HBS1L: variants seen among roughly 807,000 people sequenced by gnomAD.
HBS1L encodes HBS1-like protein.
In HBS1L, 55 loss-of-function variants were observed where a neutral mutation model predicts 88.9. The ratio of observed to expected loss-of-function variants is 0.62; its 90% CI spans 0.50 to 0.77. The LOEUF (loss-of-function observed/expected upper bound fraction) is 0.77. HBS1L is among the 30% of genes least tolerant of loss of function. HBS1L has a pLI of 0.00. For synonymous variants in HBS1L, 267 were observed against 288.5 expected (o/e 0.93, Z 0.76); for missense variants, 741 against 829.3 (o/e 0.89, Z 1.31).
chr6:134,968,620 A>G (rs1018508206), intron 16 of HBS1L, among the ~76,000 whole-genome samples: 1 of 152,088 alleles, frequency 6.6e-6, no homozygotes, highest in African/African-American at 2.4e-5. Context: ...GTTTCTGAGG[A>G]AGTACTTAAA....
At chr6:135,011,599 T>C (rs1323656795) in intron 4 of HBS1L, among the ~76,000 whole-genome samples, 1 of 151,982 alleles carries the variant, frequency 6.6e-6, no homozygotes, top group Non-Finnish European at 1.5e-5. Flanking sequence ...AGGGGTTAGT[T>C]AATATATACA....
At chr6:134,990,865 CT>C (rs897551290) in intron 8 of HBS1L, among the ~76,000 whole-genome samples, 7 of 152,058 alleles carry the variant, frequency 4.6e-5, no homozygotes, top group African/African-American at 1.4e-4. Flanking sequence ...AATAAACGAT[CT>C]TTATAATAAC....
chr6:135,032,260 T>C (rs1160336556), intron 4 of HBS1L, among the ~76,000 whole-genome samples: 5 of 151,098 alleles, frequency 3.3e-5, no homozygotes, highest in Admixed American at 2.0e-4. Context: ...AATGGATAGA[T>C]TGTATGTTTT....
chr6:134,988,355 T>G (rs1264087067), intron 8 of HBS1L, among the ~76,000 whole-genome samples: 9 of 151,012 alleles, frequency 6.0e-5, no homozygotes, highest in Admixed American at 6.6e-5. Context: ...AGAACAAGAC[T>G]GTCTCAAAAA....
chr6:134,966,481 G>GAA lies in HBS1L; in HGVS notation c.1899-10_1899-9dup. Reference sequence around the variant, plus strand: ...TGGCCTTTAGTCAAAAACCTATTAAGAAAAAAAAAGAACAAATGAATATAT... The same window carrying GAA: ...TGGCCTTTAGTCAAAAACCTATTAAGAAAAAAAAAAAGAACAAATGAATATAT... On this transcript the variant is annotated splice_polypyrimidine_tract_variant and intron_variant, in intron 16 of 17. Transcript: ENST00000367837. The GAA allele has an allele frequency of 4.6e-6, 7 of 1,512,416 alleles. No homozygotes were observed. The highest frequency in any genetic ancestry group is 1.3e-5 in the South Asian group (1 of 76,662). 93.7% of individuals were successfully genotyped at this position (1,512,416 alleles called of 1,614,324 possible). A position where few individuals can be genotyped will look rare whatever the true frequency, so the allele number is the denominator to read the frequency against.
chr6:135,014,419 G>GT, intron 4 of HBS1L, among the ~76,000 whole-genome samples: 1 of 152,158 alleles, frequency 6.6e-6, no homozygotes. Flanking sequence ...GTGACAGACT[G>GT]TTTTTAGATA....
At chr6:135,004,800 T>C (rs1392343221) in intron 4 of HBS1L, among the ~76,000 whole-genome samples, 1 of 152,134 alleles carries the variant, frequency 6.6e-6, no homozygotes, top group Non-Finnish European at 1.5e-5. Context: ...GTTGAACATG[T>C]TGGTTGACCT....
At chr6:135,040,910 T>C (rs1275296043) in intron 3 of HBS1L, among the ~76,000 whole-genome samples, 3 of 152,160 alleles carry the variant, frequency 2.0e-5, no homozygotes, top group African/African-American at 7.2e-5. Context: ...CACAATACTT[T>C]TATGTATATT....
chr6:134,976,840 A>T (rs1199232880), intron 15 of HBS1L, among the ~76,000 whole-genome samples: 1 of 152,040 alleles, frequency 6.6e-6, no homozygotes, highest in Admixed American at 6.6e-5. Flanking sequence ...CTAAAATCTT[A>T]GATTTCACCA....
At chr6:134,998,796 C>T (rs902086773) in intron 5 of HBS1L, among the ~76,000 whole-genome samples, 1 of 152,156 alleles carries the variant, frequency 6.6e-6, no homozygotes, top group African/African-American at 2.4e-5. Context: ...TATTTAAAGC[C>T]ACATATCCAT....
At chr6:135,003,481 G>C (rs1448461159) in intron 4 of HBS1L, among the ~76,000 whole-genome samples, 1 of 151,460 alleles carries the variant, frequency 6.6e-6, no homozygotes, top group Admixed American at 6.6e-5. Flanking sequence ...GTGAGAGAAT[G>C]GCTTGAGCCC....
intron 2 of HBS1L, among the ~76,000 whole-genome samples, chr6:135,043,191 T>G (rs950724201): frequency 6.6e-6 from 1 of 152,252 alleles, no homozygotes; most frequent in African/African-American, 2.4e-5. Flanking sequence ...CCAGCTCTAC[T>G]GGATGGCCAC....
chr6:135,037,918 G>T, intron 4 of HBS1L: 1 of 1,551,028 alleles, frequency 6.4e-7, no homozygotes, highest in Non-Finnish European at 8.7e-7. Context: ...TTTTCCTACT[G>T]AGCTAGCAAA....
At chr6:134,975,749 C>T (rs1562275276) in intron 15 of HBS1L, among the ~76,000 whole-genome samples, 1 of 152,074 alleles carries the variant, frequency 6.6e-6, no homozygotes, top group Non-Finnish European at 1.5e-5. Context: ...CTATCTCTCA[C>T]TACATGCAAG....
intron 6 of HBS1L, 25 bp from the exon 7 acceptor site, chr6:134,996,967 A>C (rs1775306075): frequency 6.6e-7 from 1 of 1,526,492 alleles, no homozygotes; most frequent in Admixed American, 2.2e-5. Context: ...TTCAGGATTA[A>C]TACCAGGTAC....
intron 15 of HBS1L, among the ~76,000 whole-genome samples, chr6:134,977,793 C>T (rs1774692849): frequency 6.6e-6 from 1 of 151,696 alleles, no homozygotes. Context: ...AGAATCTGTA[C>T]TATATGAGCT....
chr6:135,017,929 C>T (rs1775966580), intron 4 of HBS1L, among the ~76,000 whole-genome samples: 1 of 151,412 alleles, frequency 6.6e-6, no homozygotes, highest in African/African-American at 2.4e-5. Flanking sequence ...AATTTAAAGT[C>T]ATTCAGATCA....
intron 12 of HBS1L, 29 bp downstream of exon 12, chr6:134,985,312 T>C (rs1774946422): frequency 6.7e-7 from 1 of 1,488,262 alleles, no homozygotes; most frequent in Non-Finnish European, 9.2e-7. Flanking sequence ...GGGGCTATAC[T>C]GAAGAAGCAC....
At chr6:134,979,939 T>C (rs746832384) in intron 13 of HBS1L, among the ~76,000 whole-genome samples, 20 of 152,062 alleles carry the variant, frequency 1.3e-4, no homozygotes, top group Non-Finnish European at 2.2e-4. Flanking sequence ...GCTATATATC[T>C]AGAGATATAC....
Sources: allele counts gnomAD v4.1 joint callset (sites outside exome capture counted in the v4.1 genomes callset), GRCh38; gene constraint gnomAD v4.1.1; transcripts MANE v1.5; gene names NCBI Gene and HGNC (gene_info 2026-07-23, HGNC 2026-07-21).